The following SLC16A3 variants were observed in gnomAD, a reference collection of about 807,000 sequenced individuals.
SLC16A3 encodes the protein solute carrier family 16 member 3, also known as monocarboxylate transporter 4.
SLC16A3 carries 22 observed loss-of-function variants against 25.0 expected under a neutral mutation model. The observed-to-expected ratio is 0.88, with a 90% CI of 0.63 to 1.26. The LOEUF (loss-of-function observed/expected upper bound fraction) is 1.26. SLC16A3 is among the 50% of genes most tolerant of loss of function. SLC16A3 has a pLI of 0.00. For missense variants in SLC16A3, 731 were observed against 666.6 expected, an observed-to-expected ratio of 1.10 and a Z score of -1.06; for synonymous variants, 390 against 309.2, an observed-to-expected ratio of 1.26 and a Z score of -2.74.
At chr17:82,220,450 A>C (rs999952306) in intron 1 of SLC16A3, among the ~76,000 whole-genome samples, 1 of 152,190 alleles carries the variant, frequency 6.6e-6, no homozygotes, top group East Asian at 1.9e-4. Context: ...AAGCAGGCTG[A>C]TCACACTGAT....
At position 82,232,918 on chromosome 17, in the gene SLC16A3, C is replaced by CCGGGGGGG. The variant is rs530479437; in HGVS notation, c.-26-3065_-26-3064insCGGGGGGG. Reference sequence around the variant, plus strand: ...GGTTGGCATGCTTCCTGGGGGGCGGCGGGGGGGGGGTTGGTAAATGTCAGG... The same window carrying CCGGGGGGG: ...GGTTGGCATGCTTCCTGGGGGGCGGCCGGGGGGGGGGGGGGGGGTTGGTAAATGTCAGG... On this transcript the variant is annotated intron_variant, in intron 1 of 4. Transcript: ENST00000582743. Among the ~76,000 whole-genome samples the CCGGGGGGG allele has an allele frequency of 6.4e-5, 3 of 47,208 alleles. 1 individual carries two copies. In the South Asian group the frequency reaches 2.0e-3, roughly 31 times the overall value. 31.0% of individuals were successfully genotyped at this position (47,208 alleles called of 152,430 possible).
chr17:82,236,848 T>C lies in SLC16A3; in HGVS notation c.343T>C (p.Tyr115His). The part of the protein sequence containing the change: ...ASFCRSIIQV[Y>H]LTTGVITGLG... The stretch of plus-strand genomic sequence containing the variant: ...CTTTTGCCGGAGCATCATCCAGGTC[T>C]ACCTCACCACTGGGGTCATCACGGG... Residue 115 changes from tyrosine (Y) to histidine (H), a missense_variant, in exon 3 of 5, where the codon TAC (tyrosine) becomes CAC (histidine). Physicochemically the swap from Tyr to His is moderately conservative, Grantham distance 83. Coordinates refer to ENST00000582743, the MANE Select transcript of SLC16A3 (RefSeq NM_004207.4). 2 of 1,606,896 alleles carry C rather than the reference T, an allele frequency of 1.2e-6. No homozygotes were observed. The highest frequency in any genetic ancestry group is 1.7e-6 in the Non-Finnish European group (2 of 1,179,812).
At position 82,236,077 on chromosome 17, in the gene SLC16A3, CGT is replaced by C. The variant is rs2147127793; in HGVS notation, c.71_72del (p.Val24AlafsTer132). The part of the protein sequence containing the change: ...KAPDGGWGWA[V>X]LFGCFVITGF... ...CCCCTGACGGCGGCTGGGGCTGGGC[CGT>C]GCTCTTCGGCTGTTTCGTCATCACT... On this transcript the variant is annotated frameshift_variant, in exon 2 of 5. Transcript: ENST00000582743. LOFTEE classifies it high-confidence loss of function. 6.2e-7 allele frequency: 1 copy of C among 1,612,890 alleles called. No individual in the cohort carries two copies. The highest frequency in any genetic ancestry group is 2.2e-5 in the East Asian group (1 of 44,880).
At chr17:82,227,467 A>G (rs1389222759), upstream of SLC16A3, among the ~76,000 whole-genome samples, 1 of 151,880 alleles carries the variant, frequency 6.6e-6, no homozygotes, top group Non-Finnish European at 1.5e-5. Flanking sequence ...CCCGGCAGGC[A>G]ATACCCCATA....
intron 1 of SLC16A3, among the ~76,000 whole-genome samples, chr17:82,219,740 CG>C (rs889471288): frequency 1.3e-5 from 2 of 152,054 alleles, no homozygotes; most frequent in African/African-American, 4.8e-5. Context: ...CACTGAAAGG[CG>C]GGGGGTCTGC....
At chr17:82,224,786 A>G (rs2050411880), upstream of SLC16A3, among the ~76,000 whole-genome samples, 1 of 148,232 alleles carries the variant, frequency 6.7e-6, no homozygotes, top group African/African-American at 2.6e-5. Context: ...GTGCACAGAC[A>G]CACCCTCACG....
rs763981939 is a variant in SLC16A3, at chr17:82,238,725, G to T, written c.1147G>T (p.Val383Phe). The change falls in exon 5 of 5, where the codon GTC (valine) becomes TTC (phenylalanine). Residue 383 changes from valine (V) to phenylalanine (F), a missense_variant. Transcript: ENST00000582743. ...AGGCAAACTCCTGGATGCGACCCAC[G>T]TCTACATGTACGTGTTCATCCTGGC... ...SGGKLLDATH[V>F]YMYVFILAGA... 1 of 1,611,726 alleles carries T rather than the reference G, an allele frequency of 6.2e-7. No individual in the cohort carries two copies. Among genetic ancestry groups the T allele is most frequent in the Non-Finnish European group, 8.5e-7 (1 of 1,179,568 alleles).
chr17:82,239,932 G>C lies in SLC16A3; in HGVS notation c.*956G>C. ...CACCCACCTGCCCTCGTGGCCAGCA[G>C]TGGCCTGCGTGGCTGGGAGCCCGGT... On this transcript the variant is annotated 3_prime_UTR_variant, in exon 5 of 5. Coordinates refer to ENST00000582743, the MANE Select transcript of SLC16A3 (RefSeq NM_004207.4). 8.7e-7 allele frequency: 1 copy of C among 1,149,986 alleles called. No individual in the cohort carries two copies. The highest frequency in any genetic ancestry group is 4.4e-5 in the South Asian group (1 of 22,870). The allele number at this position is 1,149,986 out of a possible 1,614,324, so 71.2% of individuals were successfully genotyped here.
At chr17:82,236,566 C>A in intron 2 of SLC16A3, 163 bp from the exon 3 acceptor site, 1 of 1,012,922 alleles carries the variant, frequency 9.9e-7, no homozygotes. Context: ...CACGTGTCAT[C>A]ATGGCCTGCG....
chr17:82,219,799 C>T (rs2050378127), intron 1 of SLC16A3, among the ~76,000 whole-genome samples: 1 of 152,152 alleles, frequency 6.6e-6, no homozygotes, highest in South Asian at 2.1e-4. Flanking sequence ...TGTTCCCACC[C>T]AGCCTTGAGT....
intron 4 of SLC16A3, among the ~76,000 whole-genome samples, chr17:82,238,438 C>T (rs558501943): frequency 4.6e-5 from 7 of 152,258 alleles, no homozygotes; most frequent in Admixed American, 2.6e-4. Context: ...TGGGGACCAG[C>T]GTGACTCCTG....
Position 82,236,732 on chromosome 17 carries a change from C to G in SLC16A3, c.227C>G (p.Pro76Arg), listed in dbSNP as rs202146498. ...TCTCAGCTGCTGCCCTCTCCAGGTC[C>G]GCTCTGCAGTGTGTGCGTGAACCGC... ...ILLAMLYGTG[P>R]LCSVCVNRFG... The change falls in exon 3 of 5, where the codon CCG (proline) becomes CGG (arginine). Residue 76 changes from proline to arginine, a missense_variant. Transcript: ENST00000582743. 2.6e-5 allele frequency: 41 copies of G among 1,605,872 alleles called. No homozygotes were observed. Among genetic ancestry groups the G allele is most frequent in the Non-Finnish European group, 3.3e-5 (39 of 1,179,592 alleles).
Position 82,236,292 on chromosome 17 carries a change from G to A in SLC16A3, c.223+61G>A, listed in dbSNP as rs149891095. ...GCTCTGCTGGCGGATCCTGCTGGGCGCGTGTAGCTGGGCTCAGCAACAGGG... is the reference window on the plus strand; with the variant it reads ...GCTCTGCTGGCGGATCCTGCTGGGCACGTGTAGCTGGGCTCAGCAACAGGG... On this transcript the variant is annotated intron_variant, in intron 2 of 4. Transcript: ENST00000582743. The A allele has an allele frequency of 4.5e-4, 660 of 1,479,868 alleles. 1 individual carries two copies. In the African/African-American group the frequency reaches 6.8e-3, roughly 15 times the overall value. The allele number at this position is 1,479,868 out of a possible 1,614,324, so 91.7% of individuals were successfully genotyped here. A position where few individuals can be genotyped will look rare whatever the true frequency, so the allele number is the denominator to read the frequency against.
intron 1 of SLC16A3, chr17:82,235,025 T>C (rs912165153): frequency 2.0e-5 from 3 of 152,372 alleles, no homozygotes; most frequent in African/African-American, 7.2e-5. Flanking sequence ...AGGTGACTTC[T>C]GGGTGGGGTG....
chr17:82,233,718 A>T (rs992741459), intron 1 of SLC16A3: 51 of 152,340 alleles, frequency 3.3e-4, no homozygotes, highest in African/African-American at 1.2e-3. Flanking sequence ...TTTATTTTTA[A>T]AAGTGCAAAC....
At chr17:82,224,701 GACACCTGTGCAGACACAACCCT>G (rs1367458953), upstream of SLC16A3, among the ~76,000 whole-genome samples, 5 of 149,078 alleles carry the variant, frequency 3.4e-5, no homozygotes, top group Non-Finnish European at 5.9e-5. Context: ...CCCGTGCACA[GACACCTGTGCAGACACAACCCT>G]ACACCCGTGC....
intron 1 of SLC16A3, among the ~76,000 whole-genome samples, chr17:82,233,000 G>A (rs1288506698): frequency 2.6e-5 from 4 of 151,976 alleles, no homozygotes; most frequent in African/African-American, 4.8e-5. Context: ...TGGCTGTGGC[G>A]TGTGCTCCAG....
At chr17:82,237,103 C>T (rs1322550226) in intron 3 of SLC16A3, 35 bp from the exon 4 acceptor site, 2 of 1,483,988 alleles carry the variant, frequency 1.3e-6, no homozygotes, top group South Asian at 1.4e-5. Flanking sequence ...TTGGGGCAGC[C>T]TTGGGGGGCT....
rs753073613 is a variant in SLC16A3, at chr17:82,237,225, C to T, written c.455C>T (p.Ala152Val). ...SKRRPMANGLAAAGSPVFLCA... is the reference protein window; with the variant it reads ...SKRRPMANGLVAAGSPVFLCA... ...CGGCGCCCCATGGCCAACGGGCTGG[C>T]GGCAGCAGGTAGCCCTGTCTTCCTG... is the stretch of plus-strand genomic sequence containing the variant. Residue 152 changes from alanine (A) to valine (V), a missense_variant, in exon 4 of 5, where the codon GCG becomes GTG. Physicochemically the swap from Ala to Val is moderately conservative, Grantham distance 64. Transcript: ENST00000582743. 9 of 1,550,778 alleles carry T rather than the reference C, an allele frequency of 5.8e-6. No individual in the cohort carries two copies. The highest frequency in any genetic ancestry group is 2.0e-5 in the Admixed American group (1 of 50,980).
Sources: gnomAD v4.1 joint callset for allele counts (sites outside exome capture counted in the v4.1 genomes callset) on GRCh38, gnomAD v4.1.1 for gene constraint, MANE v1.5 for transcripts, NCBI Gene and HGNC (gene_info 2026-07-23, HGNC 2026-07-21) for gene names.